The following SERPINA6 variants were observed in gnomAD, a reference collection of about 807,000 sequenced individuals.
SERPINA6 encodes serpin family A member 6.
In SERPINA6, 19 loss-of-function variants were observed where a neutral mutation model predicts 26.4. That is an observed-to-expected ratio of 0.72 (90% CI 0.50 to 1.06). SERPINA6 has a LOEUF of 1.06. SERPINA6 is among the 50% of genes least tolerant of loss of function. SERPINA6 has a pLI of 0.00. For missense variants in SERPINA6, 473 were observed against 504.0 expected, an observed-to-expected ratio of 0.94 and a Z score of 0.59; for synonymous variants, 196 against 199.4, an observed-to-expected ratio of 0.98 and a Z score of 0.14.
intron 1 of SERPINA6, among the ~76,000 whole-genome samples, chr14:94,320,428 A>C (rs1895669152): frequency 6.6e-6 from 1 of 152,206 alleles, no homozygotes; most frequent in African/African-American, 2.4e-5. Flanking sequence ...ACATGTTCAA[A>C]CAAGGCAAAC....
chr14:94,313,050 C>T (rs771082600), intron 2 of SERPINA6, among the ~76,000 whole-genome samples: 2 of 152,202 alleles, frequency 1.3e-5, no homozygotes, highest in African/African-American at 2.4e-5. Context: ...ATTGCCCAAA[C>T]AAGGCATGGG....
intron 3 of SERPINA6, among the ~76,000 whole-genome samples, chr14:94,308,001 T>C (rs909420800): frequency 6.6e-6 from 1 of 152,244 alleles, no homozygotes; most frequent in Non-Finnish European, 1.5e-5. Context: ...GATTATCTAC[T>C]GCAAAATTTT....
chr14:94,313,934 T>C (rs1250046157), intron 2 of SERPINA6, 102 bp downstream of exon 2: 3 of 1,243,502 alleles, frequency 2.4e-6, no homozygotes, highest in Non-Finnish European at 3.5e-6. Flanking sequence ...TGTATGTGCT[T>C]TACAGAATCA....
chr14:94,312,339 C>T (rs1233629005), intron 2 of SERPINA6, among the ~76,000 whole-genome samples: 1 of 152,220 alleles, frequency 6.6e-6, no homozygotes, highest in Non-Finnish European at 1.5e-5. Flanking sequence ...CACATGTGCT[C>T]AGGCATCTCT....
chr14:94,310,152 AT>A (rs1895507914), intron 2 of SERPINA6, 146 bp from the exon 3 acceptor site: 11 of 812,002 alleles, frequency 1.4e-5, no homozygotes, highest in Non-Finnish European at 2.2e-5. Flanking sequence ...TAGGTAAGAT[AT>A]AAAAATTCCC....
chr14:94,304,500 A>C lies in SERPINA6; in HGVS notation c.1136T>G (p.Phe379Cys), dbSNP rs749014347. 2 of 1,614,174 alleles carry C rather than the reference A, an allele frequency of 1.2e-6. No homozygotes were observed. The highest frequency in any genetic ancestry group is 1.7e-5 in the Admixed American group (1 of 60,018). The change falls in exon 5 of 5, where the codon TTC becomes TGC. Residue 379 changes from phenylalanine to cysteine, a missense_variant. Physicochemically the swap from Phe to Cys is radical, Grantham distance 205. Transcript: ENST00000341584. ...GATCATGATGATGAAGGGCTGGTTGAAACGCAAGATGATAGGCTTGGACGT... is the reference window on the plus strand; with the variant it reads ...GATCATGATGATGAAGGGCTGGTTGCAACGCAAGATGATAGGCTTGGACGT... ...NLTSKPIILRFNQPFIIMIFD... is the reference protein window; with the variant it reads ...NLTSKPIILRCNQPFIIMIFD...
At chr14:94,318,644 C>T (rs1895643203) in intron 1 of SERPINA6, among the ~76,000 whole-genome samples, 1 of 151,882 alleles carries the variant, frequency 6.6e-6, no homozygotes, top group Non-Finnish European at 1.5e-5. Flanking sequence ...CCTTTAACAC[C>T]ATATACAAAA....
intron 3 of SERPINA6, among the ~76,000 whole-genome samples, chr14:94,306,510 G>A (rs1033303529): frequency 6.6e-6 from 1 of 152,220 alleles, no homozygotes; most frequent in Non-Finnish European, 1.5e-5. Flanking sequence ...GGACCATGGA[G>A]CATTTAAGAC....
chr14:94,322,070 A>G lies in SERPINA6; in HGVS notation c.-20+1197T>C, dbSNP rs891664973. The stretch of plus-strand genomic sequence containing the variant: ...TGGGTCATCCTGGGGCCCATTTTAC[A>G]GATGAGAAAACTGAGATCCAGGGAG... On this transcript the variant is annotated intron_variant, in intron 1 of 4. Transcript: ENST00000341584. Among the ~76,000 whole-genome samples the G allele has an allele frequency of 7.2e-5, 11 of 152,366 alleles. 1 individual carries two copies. Among genetic ancestry groups the G allele is most frequent in the Admixed American group, 7.2e-4 (11 of 15,308 alleles).
chr14:94,304,269 T>C lies in SERPINA6; in HGVS notation c.*149A>G, dbSNP rs559456839. On this transcript the variant is annotated 3_prime_UTR_variant, in exon 5 of 5. Transcript: ENST00000341584. ...GTCATCAGAGTCGCAATGACATTTA[T>C]TAAAAGATGCCTAAAGTTAGACACA... is the stretch of plus-strand genomic sequence containing the variant. The C allele has an allele frequency of 2.8e-5, 23 of 812,924 alleles. No homozygotes were observed. The highest frequency in any genetic ancestry group is 4.5e-5 in the Non-Finnish European group (21 of 470,112). 50.4% of individuals were successfully genotyped at this position (812,924 alleles called of 1,614,324 possible). A position where few individuals can be genotyped will look rare whatever the true frequency, so the allele number is the denominator to read the frequency against.
At chr14:94,308,168 A>G (rs1372948570) in intron 3 of SERPINA6, among the ~76,000 whole-genome samples, 2 of 152,222 alleles carry the variant, frequency 1.3e-5, no homozygotes, top group Non-Finnish European at 2.9e-5. Flanking sequence ...TCAAGGGAAA[A>G]CAACCTGCTC....
intron 3 of SERPINA6, 116 bp downstream of exon 3, chr14:94,309,620 G>T: frequency 8.3e-7 from 1 of 1,202,206 alleles, no homozygotes; most frequent in Non-Finnish European, 1.2e-6. Context: ...GGAAAACTGA[G>T]CCCTGGAGGG....
At chr14:94,312,152 G>A (rs1895540741) in intron 2 of SERPINA6, among the ~76,000 whole-genome samples, 1 of 152,136 alleles carries the variant, frequency 6.6e-6, no homozygotes, top group African/African-American at 2.4e-5. Flanking sequence ...TGTACAATGA[G>A]GCATTTCATC....
rs1895406245 is a variant in SERPINA6, at chr14:94,304,483, TG to T, written c.1152del (p.Ile385SerfsTer2). 2 of 1,614,160 alleles carry T rather than the reference TG, an allele frequency of 1.2e-6. No individual in the cohort carries two copies. The highest frequency in any genetic ancestry group is 1.7e-6 in the Non-Finnish European group (2 of 1,180,030). On this transcript the variant is annotated frameshift_variant, in exon 5 of 5. Transcript: ENST00000341584. LOFTEE classifies it low-confidence loss of function (END_TRUNC). ...CAGGTGAAGTGGTCGAAGATCATGA[TG>T]ATGAAGGGCTGGTTGAAACGCAAGA... ...PIILRFNQPF[I>X]IMIFDHFTWS...
At chr14:94,322,400 C>T (rs2139729971) in intron 1 of SERPINA6, among the ~76,000 whole-genome samples, 1 of 152,188 alleles carries the variant, frequency 6.6e-6, no homozygotes, top group East Asian at 1.9e-4. Context: ...ATTCCAGCTA[C>T]TCGGGAGGCT....
chr14:94,306,051 T>C lies in SERPINA6; in HGVS notation c.1032+20A>G. The C allele has an allele frequency of 6.2e-7, 1 of 1,614,048 alleles. No homozygotes were observed. The highest frequency in any genetic ancestry group is 8.5e-7 in the Non-Finnish European group (1 of 1,179,926). On this transcript the variant is annotated intron_variant, in intron 4 of 4. Transcript: ENST00000341584. ...TGAATTTTGGAGGGGGAAGAAAAGGTGGGTTCCCATGACATTTACCTTTGA... is the reference window on the plus strand; with the variant it reads ...TGAATTTTGGAGGGGGAAGAAAAGGCGGGTTCCCATGACATTTACCTTTGA...
chr14:94,317,935 A>T (rs548845620), intron 1 of SERPINA6, among the ~76,000 whole-genome samples: 2 of 152,258 alleles, frequency 1.3e-5, no homozygotes. Context: ...ACATGATCTT[A>T]TATGTTCAAA....
intron 1 of SERPINA6, among the ~76,000 whole-genome samples, chr14:94,318,837 T>G (rs1008516087): frequency 6.6e-6 from 1 of 152,122 alleles, no homozygotes; most frequent in East Asian, 1.9e-4. Flanking sequence ...GAAAACTTTG[T>G]TCATCAAAGG....
chr14:94,304,659 C>T, intron 4 of SERPINA6, 56 bp from the exon 5 acceptor site: 2 of 1,464,416 alleles, frequency 1.4e-6, no homozygotes, highest in Admixed American at 1.7e-5. Context: ...TCTCGCTTTC[C>T]TGACTCATTG....
Sources: gnomAD v4.1 joint callset for allele counts (sites outside exome capture counted in the v4.1 genomes callset) on GRCh38, gnomAD v4.1.1 for gene constraint, MANE v1.5 for transcripts, NCBI Gene and HGNC (gene_info 2026-07-23, HGNC 2026-07-21) for gene names.